The following CEP170 variants were observed in gnomAD, a reference collection of about 807,000 sequenced individuals.
CEP170 encodes the protein centrosomal protein of 170 kDa.
In CEP170, 21 loss-of-function variants were observed where a neutral mutation model predicts 151.9. The observed-to-expected ratio is 0.14, with a 90% CI of 0.10 to 0.20. The LOEUF (loss-of-function observed/expected upper bound fraction) is 0.20, where lower values mean the gene tolerates loss of function less well. CEP170 is among the 10% of genes least tolerant of loss of function. The pLI is 1.00. For missense variants in CEP170, 964 were observed against 1,892.9 expected, an observed-to-expected ratio of 0.51 and a Z score of 9.11; for synonymous variants, 356 against 648.8, an observed-to-expected ratio of 0.55 and a Z score of 6.86.
intron 10 of CEP170, chr1:243,175,230 G>A (rs920415948): frequency 1.3e-5 from 2 of 152,228 alleles, no homozygotes; most frequent in African/African-American, 2.4e-5. Flanking sequence ...CTGTGAGGAA[G>A]GGGAGCTGAA....
intron 18 of CEP170, chr1:243,128,595 C>T (rs1365908525): frequency 7.8e-6 from 2 of 255,576 alleles, no homozygotes; most frequent in Non-Finnish European, 1.5e-5. Context: ...GAGACCGAGT[C>T]TCACTCTGTC....
intron 10 of CEP170, among the ~76,000 whole-genome samples, chr1:243,173,542 C>G (rs2148629329): frequency 6.6e-6 from 1 of 151,600 alleles, no homozygotes; most frequent in East Asian, 2.0e-4. Context: ...TCCGGACCAG[C>G]CTGGCCAACA....
At chr1:243,250,822 G>C (rs763625729) in intron 1 of CEP170, among the ~76,000 whole-genome samples, 1 of 152,126 alleles carries the variant, frequency 6.6e-6, no homozygotes, top group Non-Finnish European at 1.5e-5. Flanking sequence ...TTAAAGAGTT[G>C]ATACAATTTT....
rs371001215 is a variant in CEP170, at chr1:243,134,692, C to T, written c.4319+1451G>A. ...TTTTTTTTTTTTTTTTTTAATCTCGCTTTGTGGCTCAGGCTGGTCTTCAAG... is the reference window on the plus strand; with the variant it reads ...TTTTTTTTTTTTTTTTTTAATCTCGTTTTGTGGCTCAGGCTGGTCTTCAAG... On this transcript the variant is annotated intron_variant, in intron 17 of 19. Transcript: ENST00000366542. Among the ~76,000 whole-genome samples the T allele has an allele frequency of 3.2e-4, 47 of 146,926 alleles. No individual in the cohort carries two copies. In the East Asian group the frequency reaches 7.5e-3, roughly 24 times the overall value.
chr1:243,196,667 T>C (rs999785843), intron 7 of CEP170, among the ~76,000 whole-genome samples: 1 of 152,120 alleles, frequency 6.6e-6, no homozygotes, highest in African/African-American at 2.4e-5. Context: ...TATTCAGCTA[T>C]GTTTTCTTAA....
intron 13 of CEP170, among the ~76,000 whole-genome samples, chr1:243,160,277 T>C (rs922267126): frequency 6.6e-6 from 1 of 152,242 alleles, no homozygotes; most frequent in Non-Finnish European, 1.5e-5. Context: ...TACTAAGGCA[T>C]TGGAAGGTGT....
At chr1:243,241,078 T>C (rs2064791797) in intron 1 of CEP170, among the ~76,000 whole-genome samples, 1 of 152,208 alleles carries the variant, frequency 6.6e-6, no homozygotes, top group South Asian at 2.1e-4. Flanking sequence ...AATATCTAAA[T>C]GAACAGAGAA....
At chr1:243,139,785 A>C (rs2055606923) in intron 16 of CEP170, among the ~76,000 whole-genome samples, 152 bp downstream of exon 16, 1 of 152,196 alleles carries the variant, frequency 6.6e-6, no homozygotes, top group Non-Finnish European at 1.5e-5. Flanking sequence ...TGACATAATT[A>C]TTTGTATATG....
At chr1:243,226,105 G>GATATAAA (rs2063242064) in intron 1 of CEP170, among the ~76,000 whole-genome samples, 1 of 113,016 alleles carries the variant, frequency 8.8e-6, no homozygotes, top group African/African-American at 4.2e-5. Flanking sequence ...ATATATACAC[G>GATATAAA]TATATATATG....
At chr1:243,224,160 A>C (rs989010469) in intron 2 of CEP170, among the ~76,000 whole-genome samples, 2 of 152,244 alleles carry the variant, frequency 1.3e-5, no homozygotes, top group Non-Finnish European at 2.9e-5. Flanking sequence ...ATGAAAATTT[A>C]ATAAAAATCT....
At chr1:243,182,486 C>T (rs1245378973) in intron 10 of CEP170, among the ~76,000 whole-genome samples, 1 of 151,898 alleles carries the variant, frequency 6.6e-6, no homozygotes, top group Non-Finnish European at 1.5e-5. Context: ...TTTTAGATTG[C>T]CTTCTGTGCT....
At chr1:243,172,937 A>C (rs186133662) in intron 10 of CEP170, 91 bp from the exon 11 acceptor site, 1 of 1,268,428 alleles carries the variant, frequency 7.9e-7, no homozygotes, top group Non-Finnish European at 1.0e-6. Context: ...GAGGCAAATA[A>C]AAATATTCCA....
At chr1:243,150,480 T>A (rs1439081217) in intron 14 of CEP170, among the ~76,000 whole-genome samples, 1 of 152,296 alleles carries the variant, frequency 6.6e-6, no homozygotes, top group East Asian at 1.9e-4. Flanking sequence ...ACTTTAATAT[T>A]AAAAAACAAA....
chr1:243,216,371 C>T (rs1459471083), intron 3 of CEP170, among the ~76,000 whole-genome samples: 1 of 131,030 alleles, frequency 7.6e-6, no homozygotes, highest in African/African-American at 2.9e-5. Flanking sequence ...GACCCCACAA[C>T]AGGCCCCAGA....
chr1:243,193,748 C>G (rs1385894770), intron 7 of CEP170, among the ~76,000 whole-genome samples: 1 of 151,850 alleles, frequency 6.6e-6, no homozygotes, highest in African/African-American at 2.4e-5. Flanking sequence ...AACCAGGCAG[C>G]CTGGTTTCAT....
chr1:243,219,517 T>G (rs2062604846), intron 3 of CEP170, among the ~76,000 whole-genome samples: 1 of 152,202 alleles, frequency 6.6e-6, no homozygotes. Flanking sequence ...AAGGCCAACC[T>G]AGAAAAATGT....
chr1:243,249,441 A>ATAAATAAG (rs2065734813), intron 1 of CEP170, among the ~76,000 whole-genome samples: 1 of 151,992 alleles, frequency 6.6e-6, no homozygotes, highest in Non-Finnish European at 1.5e-5. Context: ...AAATAAATAA[A>ATAAATAAG]TAAATAAATA....
intron 3 of CEP170, among the ~76,000 whole-genome samples, chr1:243,214,121 A>C (rs2062047300): frequency 1.3e-5 from 2 of 152,156 alleles, no homozygotes; most frequent in Non-Finnish European, 2.9e-5. Context: ...TATTCTCAAC[A>C]CAAGTATCTA....
intron 8 of CEP170, among the ~76,000 whole-genome samples, chr1:243,189,415 G>C (rs921824436): frequency 6.6e-6 from 1 of 151,900 alleles, no homozygotes; most frequent in Non-Finnish European, 1.5e-5. Flanking sequence ...AATTAGCCGG[G>C]TGTGGTGGTG....
Sources: gnomAD v4.1 joint callset for allele counts (sites outside exome capture counted in the v4.1 genomes callset) on GRCh38, gnomAD v4.1.1 for gene constraint, MANE v1.5 for transcripts, NCBI Gene and HGNC (gene_info 2026-07-23, HGNC 2026-07-21) for gene names.